AP3D1: variants seen among roughly 807,000 people sequenced by gnomAD.
AP3D1 encodes AP-3 complex subunit delta-1.
In AP3D1, 51 loss-of-function variants were observed where a neutral mutation model predicts 147.6. That is an observed-to-expected ratio of 0.35 (90% CI 0.28 to 0.44). AP3D1 has a LOEUF of 0.44. Ranked by LOEUF, AP3D1 falls within the 20% of genes least tolerant of loss-of-function variation. The pLI, the probability that AP3D1 is intolerant of heterozygous loss-of-function variation, is 1.00. For missense variants in AP3D1, 1,421 were observed against 1,624.2 expected (o/e 0.87, Z 2.15); for synonymous variants, 760 against 663.0 (o/e 1.15, Z -2.25).
rs2018330933 is a variant in AP3D1 at position 2,113,027 on chromosome 19, C to A, written c.2680-60G>T. 5 of 1,237,874 alleles carry A rather than the reference C, an allele frequency of 4.0e-6. No homozygotes were observed. In the African/African-American group the frequency reaches 4.5e-5, roughly 11 times the overall value. The allele number at this position is 1,237,874 out of a possible 1,614,324, so 76.7% of individuals were successfully genotyped here. ...CAATGAGGGGCCCCACTCCACTGCA[C>A]CCCAGACAGCCTCCATGCCACACAC... On this transcript the variant is annotated intron_variant, in intron 23 of 31. Transcript: ENST00000643116.
chr19:2,117,741 A>G (rs1466531484), intron 15 of AP3D1, among the ~76,000 whole-genome samples: 1 of 152,258 alleles, frequency 6.6e-6, no homozygotes, highest in East Asian at 1.9e-4. Context: ...AACAGTGACC[A>G]TGGGCCAAGG....
rs111828483 is a variant in AP3D1, at chr19:2,106,560, T to TAA, written c.3552+2125_3552+2126dup. 4.7e-5 allele frequency among the ~76,000 whole-genome samples: 7 copies of TAA among 148,436 alleles called. No individual in the cohort carries two copies. The East Asian group carries it at 1.2e-3, about 25-fold the overall frequency. ...AGACTCTGTTTCCAAAACAAAAAAA[T>TAA]AAAAAAAAACAAAAGTACTGAAGGC... is the stretch of plus-strand genomic sequence containing the variant. On this transcript the variant is annotated intron_variant, in intron 31 of 31. Transcript: ENST00000643116.
At chr19:2,130,174 G>A (rs2018897991) in intron 6 of AP3D1, among the ~76,000 whole-genome samples, 1 of 152,172 alleles carries the variant, frequency 6.6e-6, no homozygotes, top group Non-Finnish European at 1.5e-5. Flanking sequence ...CCTCTGCTCA[G>A]GGACACGCCA....
chr19:2,141,261 A>G (rs2019212370), intron 1 of AP3D1, among the ~76,000 whole-genome samples: 1 of 152,066 alleles, frequency 6.6e-6, no homozygotes, highest in South Asian at 2.1e-4. Context: ...CTAAATTCAC[A>G]CTTCACCACA....
chr19:2,137,669 G>C (rs796129534), intron 3 of AP3D1, 58 bp downstream of exon 3: 2 of 1,450,032 alleles, frequency 1.4e-6, no homozygotes, highest in Non-Finnish European at 1.9e-6. Flanking sequence ...GCCAGTCACG[G>C]TGCCTCACAC....
At position 2,150,612 on chromosome 19, in the gene AP3D1, G is replaced by C. The variant is rs372610191; in HGVS notation, c.96+627C>G. 1.1e-4 allele frequency among the ~76,000 whole-genome samples: 17 copies of C among 152,264 alleles called. No homozygotes were observed. The East Asian group carries it at 1.9e-3, about 17-fold the overall frequency. The stretch of plus-strand genomic sequence containing the variant: ...GCAGCAGCCCCACCTTCCTGGGAAC[G>C]GGGGCACTGGAGGCAACGCCCCAAG... On this transcript the variant is annotated intron_variant, in intron 1 of 31. Coordinates refer to ENST00000643116, the MANE Select transcript of AP3D1 (RefSeq NM_001261826.3).
At position 2,102,039 on chromosome 19, in the gene AP3D1, C is replaced by T. The variant is rs934470800; in HGVS notation, c.*134G>A. The T allele has an allele frequency of 2.1e-5, 14 of 679,948 alleles. No individual in the cohort carries two copies. Among genetic ancestry groups the T allele is most frequent in the East Asian group, 1.1e-4 (4 of 37,218 alleles). The allele number at this position is 679,948 out of a possible 1,614,324, so 42.1% of individuals were successfully genotyped here. ...CAACAAATGACCTCGGATGTCTACA[C>T]GGCGGACAACATAGAGTTAAATTAA... On this transcript the variant is annotated 3_prime_UTR_variant, in exon 32 of 32. Transcript: ENST00000643116.
chr19:2,116,588 G>A lies in AP3D1; in HGVS notation c.2001+17C>T, dbSNP rs1374288237. 7.0e-6 allele frequency: 11 copies of A among 1,573,568 alleles called. No homozygotes were observed. Among genetic ancestry groups the A allele is most frequent in the African/African-American group, 1.4e-5 (1 of 74,004 alleles). ...AGGGAGGAGACGAGGGCTCGCCAGG[G>A]GCAGCCAGCAGCTCACCCGAGCCAG... On this transcript the variant is annotated intron_variant, in intron 17 of 31. Transcript: ENST00000643116.
chr19:2,116,186 G>C, intron 18 of AP3D1, 21 bp downstream of exon 18: 1 of 1,613,356 alleles, frequency 6.2e-7, no homozygotes, highest in Non-Finnish European at 8.5e-7. Context: ...TGAGGGACAG[G>C]CACCCGGGGA....
At chr19:2,150,643 G>A (rs546454143) in intron 1 of AP3D1, among the ~76,000 whole-genome samples, 1 of 152,166 alleles carries the variant, frequency 6.6e-6, no homozygotes, top group Non-Finnish European at 1.5e-5. Flanking sequence ...CCAAGACCCT[G>A]CCTGGTTCCG....
At chr19:2,117,978 G>A (rs2018506006) in intron 15 of AP3D1, among the ~76,000 whole-genome samples, 1 of 152,172 alleles carries the variant, frequency 6.6e-6, no homozygotes, top group Non-Finnish European at 1.5e-5. Context: ...TGGCCAACAA[G>A]GTGAAACTCC....
intron 1 of AP3D1, among the ~76,000 whole-genome samples, chr19:2,162,430 G>A (rs942067891): frequency 6.6e-6 from 1 of 150,474 alleles, no homozygotes; most frequent in Non-Finnish European, 1.5e-5. Context: ...TGAGGAGGGC[G>A]GATCACTTGA....
chr19:2,164,514 C>T (rs913388861), upstream of AP3D1: 3 of 302,320 alleles, frequency 9.9e-6, no homozygotes, highest in Non-Finnish European at 1.8e-5. Context: ...ACCGCGGTGC[C>T]GTTGCCCCCG....
At chr19:2,147,593 G>C (rs1262211329) in intron 1 of AP3D1, among the ~76,000 whole-genome samples, 1 of 150,226 alleles carries the variant, frequency 6.7e-6, no homozygotes, top group Non-Finnish European at 1.5e-5. Context: ...AAACAAAAAA[G>C]AAAAAAGAAA....
At chr19:2,146,481 G>A (rs544026531) in intron 1 of AP3D1, among the ~76,000 whole-genome samples, 1 of 152,090 alleles carries the variant, frequency 6.6e-6, no homozygotes, top group Non-Finnish European at 1.5e-5. Flanking sequence ...GCGGCCACCT[G>A]TAATCCCAGC....
chr19:2,112,693 A>T (rs1429863957), intron 24 of AP3D1, 167 bp downstream of exon 24: 2 of 564,296 alleles, frequency 3.5e-6, no homozygotes, highest in Non-Finnish European at 6.2e-6. Context: ...AAGGTTATTA[A>T]AAAAACACAA....
intron 25 of AP3D1, 40 bp from the exon 26 acceptor site, chr19:2,111,372 G>A: frequency 6.2e-7 from 1 of 1,612,326 alleles, no homozygotes. Flanking sequence ...GGGGCCCCGA[G>A]CTCCGTCTCA....
At chr19:2,126,639 T>TGA (rs2018763732) in intron 9 of AP3D1, among the ~76,000 whole-genome samples, 2 of 122,898 alleles carry the variant, frequency 1.6e-5, no homozygotes, top group African/African-American at 3.2e-5. Context: ...GGCAACAGAG[T>TGA]GAGACTCTGC....
chr19:2,146,313 A>G (rs2019354829), intron 1 of AP3D1, among the ~76,000 whole-genome samples: 2 of 152,192 alleles, frequency 1.3e-5, no homozygotes, highest in African/African-American at 4.8e-5. Flanking sequence ...CATAATAATT[A>G]GCTGTACAGG....
Sources: allele counts gnomAD v4.1 joint callset (sites outside exome capture counted in the v4.1 genomes callset), GRCh38; gene constraint gnomAD v4.1.1; transcripts MANE v1.5; gene names NCBI Gene and HGNC (gene_info 2026-07-23, HGNC 2026-07-21).